The following FANCM variants were observed in gnomAD, a reference collection of about 807,000 sequenced individuals.
FANCM encodes the protein FA complementation group M.
FANCM carries 140 observed loss-of-function variants against 199.5 expected under a neutral mutation model. The ratio of observed to expected loss-of-function variants is 0.70; its 90% confidence interval spans 0.61 to 0.81. The LOEUF is 0.81. FANCM is among the 30% of genes least tolerant of loss of function. The pLI is 0.00. For missense variants in FANCM, 2,410 were observed against 2,421.4 expected (o/e 1.00, Z 0.10); for synonymous variants, 840 against 836.8 (o/e 1.00, Z -0.07).
Position 45,173,055 on chromosome 14 carries a change from G to T in FANCM, c.2161G>T (p.Ala721Ser), listed in dbSNP as rs563314173. The change falls in exon 13 of 23, where the codon GCT becomes TCT. Residue 721 changes from alanine (A) to serine (S), a missense_variant and splice_region_variant. Ala to Ser is a moderately conservative substitution (Grantham distance 99). Transcript: ENST00000267430. The stretch of plus-strand genomic sequence containing the variant: ...TTTTATTACTTTTTAAATAATTAAG[G>T]CTCAAGAATCAACCACTGGAATTCA... ...SSLQNEENKP[A>S]QESTTGIHQL... 5.0e-6 allele frequency: 8 copies of T among 1,600,692 alleles called. No individual in the cohort carries two copies. The highest frequency in any genetic ancestry group is 6.8e-6 in the Non-Finnish European group (8 of 1,168,138).
At chr14:45,169,186 T>G (rs1888177712) in intron 11 of FANCM, among the ~76,000 whole-genome samples, 1 of 151,934 alleles carries the variant, frequency 6.6e-6, no homozygotes, top group Non-Finnish European at 1.5e-5. Context: ...CCTCCCAAAG[T>G]GCTGGGATTA....
At chr14:45,139,748 C>A (rs1885775824) in intron 2 of FANCM, among the ~76,000 whole-genome samples, 1 of 152,130 alleles carries the variant, frequency 6.6e-6, no homozygotes. Flanking sequence ...AAGGCCAATG[C>A]CAGGGATCAC....
intron 4 of FANCM, among the ~76,000 whole-genome samples, chr14:45,150,176 A>G (rs1282061676): frequency 6.6e-6 from 1 of 152,242 alleles, no homozygotes; most frequent in Non-Finnish European, 1.5e-5. Context: ...AGCCTTTCTT[A>G]AAGAGACATT....
rs757013722 is a variant in FANCM, at chr14:45,175,436, A to G, written c.2682A>G (p.Leu894=). The G allele has an allele frequency of 6.3e-7, 1 of 1,594,318 alleles. No homozygotes were observed. The highest frequency in any genetic ancestry group is 8.5e-7 in the Non-Finnish European group (1 of 1,171,384). ...STVENIFQED[L]PNDKRTSDTD... ...TTGAAAATATTTTTCAAGAAGACCT[A>G]CCAAATGATAAAAGGACATCAGATA... Residue 894 remains leucine, a synonymous_variant, in exon 14 of 23, where the codon CTA becomes CTG. Coordinates refer to ENST00000267430, the MANE Select transcript of FANCM (RefSeq NM_020937.4).
chr14:45,149,253 T>A (rs1388785104), intron 4 of FANCM, among the ~76,000 whole-genome samples: 1 of 152,018 alleles, frequency 6.6e-6, no homozygotes, highest in East Asian at 1.9e-4. Context: ...TGTATTTTTT[T>A]AAGTAAACCT....
chr14:45,166,575 T>C (rs980344744), intron 10 of FANCM, among the ~76,000 whole-genome samples: 2 of 151,762 alleles, frequency 1.3e-5, no homozygotes, highest in African/African-American at 2.4e-5. Context: ...AGCCTTGGAG[T>C]TCAAGACTAG....
rs199498112 is a variant in FANCM at position 45,135,996 on chromosome 14, G to C, written c.-36G>C. On this transcript the variant is annotated 5_prime_UTR_variant, in exon 1 of 23. Coordinates refer to ENST00000267430, the MANE Select transcript of FANCM (RefSeq NM_020937.4). ...TAGCGGTTGAGCTGCTGCTGCTACG[G>C]ATATCTGACAGAAGCCTTCGGTGGT... 86 of 1,611,314 alleles carry C rather than the reference G, an allele frequency of 5.3e-5. No homozygotes were observed. Among genetic ancestry groups the C allele is most frequent in the Non-Finnish European group, 7.1e-5 (84 of 1,179,124 alleles).
At position 45,189,363 on chromosome 14, in the gene FANCM, G is replaced by T. The variant is rs754297345; in HGVS notation, c.5340+1G>T. On this transcript the variant is annotated splice_donor_variant, in intron 20 of 22. Transcript: ENST00000267430. LOFTEE classifies it high-confidence loss of function. ...TAGAAAATTTCCAGTTCCACAGAAG[G>T]TATGGATCAAAGAAAGGAAAAATAT... 77 of 1,601,980 alleles carry T rather than the reference G, an allele frequency of 4.8e-5. No individual in the cohort carries two copies. Among genetic ancestry groups the T allele is most frequent in the Non-Finnish European group, 6.3e-5 (74 of 1,169,190 alleles).
Position 45,175,211 on chromosome 14 carries a change from G to C in FANCM, c.2457G>C (p.Lys819Asn). The change falls in exon 14 of 23, where the codon AAG (lysine) becomes AAC (asparagine). Residue 819 changes from lysine to asparagine, a missense_variant. Physicochemically the swap from Lys to Asn is moderately conservative, Grantham distance 94. Transcript: ENST00000267430. ...CTCACAAGAAATCGTCATTTATAAA[G>C]AACATAAATCAAGGCAGTTCATCCT... ...FITHKKSSFIKNINQGSSSSV... is the reference protein window; with the variant it reads ...FITHKKSSFINNINQGSSSSV... 1 of 1,611,812 alleles carries C rather than the reference G, an allele frequency of 6.2e-7. No homozygotes were observed. The highest frequency in any genetic ancestry group is 8.5e-7 in the Non-Finnish European group (1 of 1,178,676).
intron 14 of FANCM, among the ~76,000 whole-genome samples, chr14:45,180,235 G>A (rs1888979867): frequency 6.6e-6 from 1 of 152,132 alleles, no homozygotes; most frequent in African/African-American, 2.4e-5. Flanking sequence ...TTTAAATGTG[G>A]CTTAGCTGAG....
intron 9 of FANCM, among the ~76,000 whole-genome samples, chr14:45,163,016 A>C (rs1396643365): frequency 6.6e-6 from 1 of 152,190 alleles, no homozygotes; most frequent in Non-Finnish European, 1.5e-5. Context: ...GGATTTCCAT[A>C]TTGAAAGAAA....
At chr14:45,154,658 A>T (rs1887054999) in intron 6 of FANCM, 39 bp from the exon 7 acceptor site, 3 of 1,293,682 alleles carry the variant, frequency 2.3e-6, no homozygotes, top group Non-Finnish European at 3.3e-6. Flanking sequence ...TATCAGTTTT[A>T]TTATTATTTA....
At chr14:45,156,439 A>G (rs1358077507) in intron 8 of FANCM, among the ~76,000 whole-genome samples, 1 of 152,202 alleles carries the variant, frequency 6.6e-6, no homozygotes, top group Non-Finnish European at 1.5e-5. Context: ...TCACTCTGGT[A>G]GTTTTGTGGA....
intron 6 of FANCM, 101 bp downstream of exon 6, chr14:45,154,153 C>A: frequency 1.1e-6 from 1 of 900,910 alleles, no homozygotes; most frequent in Non-Finnish European, 1.7e-6. Flanking sequence ...GTAATCCCAG[C>A]ACTTTGGGAA....
At chr14:45,184,009 T>A in intron 17 of FANCM, 107 bp downstream of exon 17, 1 of 840,708 alleles carries the variant, frequency 1.2e-6, no homozygotes, top group South Asian at 1.9e-5. Flanking sequence ...TAGAAAAAAA[T>A]TAAGTATTTT....
chr14:45,147,455 AT>A (rs1268102180), intron 3 of FANCM, among the ~76,000 whole-genome samples: 2 of 151,460 alleles, frequency 1.3e-5, no homozygotes, highest in Non-Finnish European at 2.9e-5. Context: ...AGCAATTGTC[AT>A]TTTTTTTGTA....
chr14:45,181,040 C>G (rs1889033895), intron 14 of FANCM, among the ~76,000 whole-genome samples: 1 of 152,160 alleles, frequency 6.6e-6, no homozygotes, highest in Non-Finnish European at 1.5e-5. Context: ...TATGCTTTAA[C>G]TCTTTCAAGT....
chr14:45,179,977 A>G (rs891962336), intron 14 of FANCM, among the ~76,000 whole-genome samples: 17 of 152,234 alleles, frequency 1.1e-4, no homozygotes, highest in Middle Eastern at 3.4e-3. Flanking sequence ...TCAATGGCCA[A>G]CTAACCTTCC....
At chr14:45,196,663 G>T (rs1375746452) in intron 21 of FANCM, 116 bp downstream of exon 21, 8 of 960,688 alleles carry the variant, frequency 8.3e-6, no homozygotes, top group Admixed American at 2.2e-5. Flanking sequence ...CACCTGACTG[G>T]TGAATGTCAT....
Sources: allele counts gnomAD v4.1 joint callset (sites outside exome capture counted in the v4.1 genomes callset), GRCh38; gene constraint gnomAD v4.1.1; transcripts MANE v1.5; gene names NCBI Gene and HGNC (gene_info 2026-07-23, HGNC 2026-07-21).